MNAT1: variants seen among roughly 807,000 people sequenced by gnomAD.
MNAT1 encodes CDK-activating kinase assembly factor MAT1.
A neutral mutation model predicts 42.0 loss-of-function variants in MNAT1; 43 were observed. That is an observed-to-expected ratio of 1.02 (90% CI 0.80 to 1.32). The LOEUF (loss-of-function observed/expected upper bound fraction) is 1.32, where lower values mean the gene tolerates loss of function less well. Ranked by LOEUF, MNAT1 falls within the 40% of genes most tolerant of loss-of-function variation. MNAT1 has a pLI of 0.00. For missense variants in MNAT1, 306 were observed against 350.4 expected (o/e 0.87, Z 1.01); for synonymous variants, 118 against 120.0 (o/e 0.98, Z 0.11).
intron 1 of MNAT1, among the ~76,000 whole-genome samples, chr14:60,795,832 A>C (rs1261136974): frequency 6.6e-6 from 1 of 152,224 alleles, no homozygotes; most frequent in Non-Finnish European, 1.5e-5. Context: ...GGCTCTCTAA[A>C]GAGCAGGCCC....
Position 60,761,896 on chromosome 14 carries a change from TA to T in MNAT1, c.89+26947del, listed in dbSNP as rs531629300. ...TGTTTAAATGTGTTATTTAGTTATT[TA>T]ACCTATTTTGTGTGGTTTGACAGTT... On this transcript the variant is annotated intron_variant, in intron 1 of 7. Transcript: ENST00000261245. Among the ~76,000 whole-genome samples, 7 of 152,360 alleles carry T rather than the reference TA, an allele frequency of 4.6e-5. No individual in the cohort carries two copies. The East Asian group carries it at 9.6e-4, about 21-fold the overall frequency.
At chr14:60,744,399 G>T (rs1480416427) in intron 1 of MNAT1, among the ~76,000 whole-genome samples, 1 of 151,392 alleles carries the variant, frequency 6.6e-6, no homozygotes. Context: ...CCCAAAGTGC[G>T]GGGATTACAG....
rs72722241 is a variant in MNAT1, at chr14:60,755,941, T to A, written c.89+20990T>A. 6.0e-3 allele frequency among the ~76,000 whole-genome samples: 916 copies of A among 152,292 alleles called. 6 individuals are homozygous for A. Among genetic ancestry groups the A allele is most frequent in the Non-Finnish European group, 8.3e-3 (566 of 68,014 alleles). ...TCACTGAGAGGAGAGGCTGGGGAAA[T>A]GGGACCGCTTTCTAAAAATGTATCT... is the stretch of plus-strand genomic sequence containing the variant. On this transcript the variant is annotated intron_variant, in intron 1 of 7. Coordinates refer to ENST00000261245, the MANE Select transcript of MNAT1 (RefSeq NM_002431.4).
At chr14:60,756,514 T>G (rs2030357047) in intron 1 of MNAT1, among the ~76,000 whole-genome samples, 1 of 152,242 alleles carries the variant, frequency 6.6e-6, no homozygotes. Flanking sequence ...TATATTTTTA[T>G]ACTTCACAGT....
intron 1 of MNAT1, among the ~76,000 whole-genome samples, chr14:60,789,695 T>G (rs961308741): frequency 6.6e-6 from 1 of 152,192 alleles, no homozygotes; most frequent in Non-Finnish European, 1.5e-5. Flanking sequence ...TCTTAAATCT[T>G]AACATCCAGC....
intron 6 of MNAT1, among the ~76,000 whole-genome samples, chr14:60,851,875 A>G (rs2033832099): frequency 6.6e-6 from 1 of 152,196 alleles, no homozygotes; most frequent in African/African-American, 2.4e-5. Context: ...TGCAAAGGAC[A>G]TGAACTCTTT....
Position 60,968,312 on chromosome 14 carries a change from A to G in MNAT1, c.893A>G (p.Gln298Arg), listed in dbSNP as rs1254375954. Residue 298 changes from glutamine to arginine, a missense_variant, in exon 8 of 8, where the codon CAG (glutamine) becomes CGG (arginine). This residue lies in a region of MNAT1 where 116 missense variants were observed against 139.6 expected (regional missense o/e 0.83). Coordinates refer to ENST00000261245, the MANE Select transcript of MNAT1 (RefSeq NM_002431.4). ...TSSLACHRAL[Q>R]DAFSGLFWQP... The stretch of plus-strand genomic sequence containing the variant: ...TCTCTTGCTTGTCACAGAGCACTAC[A>G]GGATGCATTCAGTGGGCTTTTCTGG... The G allele has an allele frequency of 8.7e-6, 14 of 1,613,714 alleles. No homozygotes were observed. Among genetic ancestry groups the G allele is most frequent in the Non-Finnish European group, 1.1e-5 (13 of 1,179,884 alleles).
chr14:60,801,096 T>C (rs1420491784), intron 3 of MNAT1, among the ~76,000 whole-genome samples: 1 of 151,970 alleles, frequency 6.6e-6, no homozygotes, highest in Non-Finnish European at 1.5e-5. Context: ...TTGGTGACAT[T>C]CAGAGAAGAG....
At chr14:60,922,617 T>A (rs1317574037) in intron 7 of MNAT1, among the ~76,000 whole-genome samples, 1 of 152,094 alleles carries the variant, frequency 6.6e-6, no homozygotes, top group East Asian at 1.9e-4. Flanking sequence ...CTCTACAGGG[T>A]TTGATGTTTC....
At chr14:60,789,132 G>A (rs1023235285) in intron 1 of MNAT1, among the ~76,000 whole-genome samples, 1 of 152,044 alleles carries the variant, frequency 6.6e-6, no homozygotes, top group Non-Finnish European at 1.5e-5. Flanking sequence ...AGAGTCCATT[G>A]TAGGGTTATT....
chr14:60,948,409 A>G (rs2036322577), intron 7 of MNAT1, among the ~76,000 whole-genome samples: 1 of 152,132 alleles, frequency 6.6e-6, no homozygotes, highest in Non-Finnish European at 1.5e-5. Context: ...GTGACAGAGC[A>G]AGACCCTGTC....
intron 1 of MNAT1, among the ~76,000 whole-genome samples, chr14:60,737,942 G>A (rs1035618361): frequency 1.3e-5 from 2 of 150,254 alleles, no homozygotes; most frequent in African/African-American, 2.4e-5. Context: ...TCCGCCTCCC[G>A]GGTTCACGCC....
chr14:60,910,407 T>G (rs928846153), intron 7 of MNAT1, among the ~76,000 whole-genome samples: 3 of 152,182 alleles, frequency 2.0e-5, no homozygotes, highest in Non-Finnish European at 4.4e-5. Flanking sequence ...TGTGCCAGTT[T>G]TCAAAGGGAA....
At chr14:60,798,872 T>C (rs551398470) in intron 3 of MNAT1, among the ~76,000 whole-genome samples, 14 of 152,288 alleles carry the variant, frequency 9.2e-5, no homozygotes, top group Non-Finnish European at 1.6e-4. Flanking sequence ...CTGTGAACAT[T>C]AGAATGAGAC....
intron 7 of MNAT1, among the ~76,000 whole-genome samples, chr14:60,890,934 A>T (rs1399448280): frequency 1.3e-5 from 2 of 152,208 alleles, no homozygotes; most frequent in Non-Finnish European, 2.9e-5. Flanking sequence ...AATCAAGTTG[A>T]CATTCACTAT....
chr14:60,914,947 G>A (rs2035479937), intron 7 of MNAT1, among the ~76,000 whole-genome samples: 1 of 152,164 alleles, frequency 6.6e-6, no homozygotes, highest in African/African-American at 2.4e-5. Context: ...CCAATAAGAT[G>A]GCAAAATGTG....
chr14:60,808,387 A>C lies in MNAT1; in HGVS notation c.379A>C (p.Lys127Gln). Residue 127 changes from lysine to glutamine, a missense_variant, in exon 4 of 8, where the codon AAG becomes CAG. Transcript: ENST00000261245. ...NTKKKMEIYQ[K>Q]ENKDVIQKNK... ...CAAAAAGAAAATGGAGATATACCAA[A>C]AGGAAAACAAAGATGTTATTCAGAA... 1 of 1,580,266 alleles carries C rather than the reference A, an allele frequency of 6.3e-7. No individual in the cohort carries two copies. The highest frequency in any genetic ancestry group is 1.2e-5 in the South Asian group (1 of 84,360).
At chr14:60,801,655 G>T (rs1441047322) in intron 3 of MNAT1, among the ~76,000 whole-genome samples, 1 of 152,132 alleles carries the variant, frequency 6.6e-6, no homozygotes, top group African/African-American at 2.4e-5. Context: ...TGTTAGAATG[G>T]GTATTATCAA....
intron 7 of MNAT1, among the ~76,000 whole-genome samples, chr14:60,917,268 C>T (rs1038634587): frequency 1.4e-4 from 21 of 147,524 alleles, no homozygotes; most frequent in African/African-American, 5.0e-5. Context: ...TGTAATGCTT[C>T]ATGGAATTTT....
Sources: gnomAD v4.1 joint callset for allele counts (sites outside exome capture counted in the v4.1 genomes callset) on GRCh38, gnomAD v4.1.1 for gene constraint, gnomAD v4.1.1 regional missense constraint, MANE v1.5 for transcripts, NCBI Gene and HGNC (gene_info 2026-07-23, HGNC 2026-07-21) for gene names.